The following GRB10 variants were observed in gnomAD, a reference collection of about 807,000 sequenced individuals.
The protein encoded by GRB10 is growth factor receptor-bound protein 10.
Under a neutral mutation model 80.9 loss-of-function variants are expected in GRB10, and 20 were observed. That is an observed-to-expected ratio of 0.25 (90% CI 0.17 to 0.36). The LOEUF (loss-of-function observed/expected upper bound fraction) is 0.36, where lower values mean the gene tolerates loss of function less well. GRB10 is among the 10% of genes least tolerant of loss of function. The pLI, the probability that GRB10 is intolerant of heterozygous loss-of-function variation, is 1.00. For missense variants in GRB10, 548 were observed against 747.7 expected (o/e 0.73, Z 3.12); for synonymous variants, 291 against 291.5 (o/e 1.00, Z 0.02).
intron 4 of GRB10, among the ~76,000 whole-genome samples, chr7:50,706,870 G>T (rs561183093): frequency 5.4e-4 from 82 of 152,298 alleles, no homozygotes; most frequent in African/African-American, 1.9e-3. Context: ...AAGCCAGGCT[G>T]AGCCCTGGGT....
chr7:50,635,559 A>C (rs1390529368), intron 7 of GRB10, among the ~76,000 whole-genome samples: 1 of 104,552 alleles, frequency 9.6e-6, no homozygotes, highest in Non-Finnish European at 2.1e-5. Flanking sequence ...CAAAAAACAA[A>C]ACAAAACAAA....
chr7:50,791,495 C>T (rs1034014071), intron 1 of GRB10, among the ~76,000 whole-genome samples: 10 of 152,206 alleles, frequency 6.6e-5, no homozygotes, highest in African/African-American at 2.4e-4. Flanking sequence ...TTGTCACTTG[C>T]TGACAGTATG....
In GRB10 at chr7:50,710,906, A is replaced by G; in HGVS notation, c.52-6998T>C. 2 of 1,612,818 alleles carry G rather than the reference A, an allele frequency of 1.2e-6. 1 individual carries two copies. Among genetic ancestry groups the G allele is most frequent in the East Asian group, 4.5e-5 (2 of 44,886 alleles). On this transcript the variant is annotated intron_variant, in intron 4 of 18. Transcript: ENST00000401949. Reference sequence around the variant, plus strand: ...ACGGAACAGAGGGCCGGCAGCTTGCATAGGAGGTCTCTCTCTCCCTCTCTC... The same window carrying G: ...ACGGAACAGAGGGCCGGCAGCTTGCGTAGGAGGTCTCTCTCTCCCTCTCTC...
chr7:50,743,102 C>T (rs1376299132), intron 3 of GRB10, among the ~76,000 whole-genome samples: 3 of 152,288 alleles, frequency 2.0e-5, no homozygotes, highest in East Asian at 1.9e-4. Flanking sequence ...CACCAATTTC[C>T]GCTTTTCTTC....
intron 2 of GRB10, among the ~76,000 whole-genome samples, chr7:50,761,170 T>C (rs146071997): frequency 5.7e-4 from 87 of 152,356 alleles, no homozygotes; most frequent in Non-Finnish European, 4.7e-4. Context: ...AGTTAATCAA[T>C]GGCAGAGCGA....
At chr7:50,729,671 C>T (rs1427841561) in intron 4 of GRB10, among the ~76,000 whole-genome samples, 1 of 152,110 alleles carries the variant, frequency 6.6e-6, no homozygotes, top group Non-Finnish European at 1.5e-5. Context: ...TGCTTCAGAC[C>T]TTTTGATTTT....
intron 5 of GRB10, among the ~76,000 whole-genome samples, chr7:50,679,565 T>C (rs2061334087): frequency 6.6e-6 from 1 of 152,188 alleles, no homozygotes; most frequent in South Asian, 2.1e-4. Context: ...ACGTGTCCAT[T>C]ACGATCCCTT....
rs956681857 is a variant in GRB10, at chr7:50,695,989, G to GT, written c.139+7831dup. ...ATACAGTACCGTAACCTGTTTCCCT[G>GT]TTTTTTTCACTCAGTAAATCTGAGC... On this transcript the variant is annotated intron_variant, in intron 5 of 18. Coordinates refer to ENST00000401949, the MANE Select transcript of GRB10 (RefSeq NM_001350814.2). Among the ~76,000 whole-genome samples the GT allele has an allele frequency of 7.9e-5, 12 of 151,832 alleles. No homozygotes were observed. In the East Asian group the frequency reaches 1.7e-3, roughly 22 times the overall value.
rs114521692 is a variant in GRB10, at chr7:50,692,321, T to C, written c.139+11500A>G. On this transcript the variant is annotated intron_variant, in intron 5 of 18. Transcript: ENST00000401949. ...ACACACACACACGCACACATATATATATAATGAATAAAATCTTCAAGATTT... is the reference window on the plus strand; with the variant it reads ...ACACACACACACGCACACATATATACATAATGAATAAAATCTTCAAGATTT... Among the ~76,000 whole-genome samples the C allele has an allele frequency of 8.3e-3, 1,270 of 152,182 alleles. 20 individuals are homozygous for C. The highest frequency in any genetic ancestry group is 0.029 in the African/African-American group (1,203 of 41,496).
intron 5 of GRB10, among the ~76,000 whole-genome samples, chr7:50,689,935 T>G (rs1205199342): frequency 6.6e-6 from 1 of 151,908 alleles, no homozygotes; most frequent in Non-Finnish European, 1.5e-5. Context: ...AAGGAAGCAT[T>G]CTACTTATCT....
chr7:50,691,157 G>A (rs1017094790), intron 5 of GRB10, among the ~76,000 whole-genome samples: 2 of 152,194 alleles, frequency 1.3e-5, no homozygotes, highest in Non-Finnish European at 2.9e-5. Context: ...GTAGGGATTC[G>A]ATCTACTGCT....
At chr7:50,631,888 G>A (rs1008362599) in intron 7 of GRB10, among the ~76,000 whole-genome samples, 31 of 152,294 alleles carry the variant, frequency 2.0e-4, no homozygotes, top group African/African-American at 7.5e-4. Flanking sequence ...AAGTACTGGA[G>A]CCAGGATCTA....
chr7:50,661,138 G>A (rs2153629204), intron 7 of GRB10, among the ~76,000 whole-genome samples: 2 of 152,364 alleles, frequency 1.3e-5, no homozygotes, highest in East Asian at 1.9e-4. Context: ...TTCTCTCCGT[G>A]CAATACATTC....
Position 50,610,962 on chromosome 7 carries a change from G to C in GRB10, c.1194+1779C>G, listed in dbSNP as rs56002503. ...AAGTAATAGAATTCATAGCTTCTTG[G>C]AGTATACTACCACTTTCCTTTTTCA... is the stretch of plus-strand genomic sequence containing the variant. On this transcript the variant is annotated intron_variant, in intron 13 of 18. Coordinates refer to ENST00000401949, the MANE Select transcript of GRB10 (RefSeq NM_001350814.2). 4.5e-3 allele frequency among the ~76,000 whole-genome samples: 680 copies of C among 151,956 alleles called. 4 individuals are homozygous for C. The highest frequency in any genetic ancestry group is 0.014 in the Middle Eastern group (4 of 294).
intron 2 of GRB10, among the ~76,000 whole-genome samples, chr7:50,758,436 C>T (rs960753112): frequency 2.0e-5 from 3 of 152,170 alleles, no homozygotes; most frequent in Non-Finnish European, 4.4e-5. Context: ...AACTTACTTC[C>T]AAAATATCCC....
At chr7:50,749,725 C>T (rs1354063155) in intron 3 of GRB10, among the ~76,000 whole-genome samples, 3 of 152,194 alleles carry the variant, frequency 2.0e-5, no homozygotes, top group African/African-American at 4.8e-5. Context: ...GTCATCAACT[C>T]GTTGGTCTAT....
intron 4 of GRB10, among the ~76,000 whole-genome samples, chr7:50,729,592 T>G (rs1283220743): frequency 6.6e-6 from 1 of 152,094 alleles, no homozygotes; most frequent in Admixed American, 6.5e-5. Flanking sequence ...CCCATCCCAC[T>G]TCCCAGGCAG....
chr7:50,622,258 C>T (rs2051913107), intron 8 of GRB10, among the ~76,000 whole-genome samples: 1 of 152,176 alleles, frequency 6.6e-6, no homozygotes, highest in Admixed American at 6.5e-5. Context: ...TTTTCACATA[C>T]AAAAGGGAGA....
Position 50,592,920 on chromosome 7 carries a change from C to T in GRB10, c.*32G>A, listed in dbSNP as rs1295403003. 3 of 1,613,084 alleles carry T rather than the reference C, an allele frequency of 1.9e-6. No homozygotes were observed. Among genetic ancestry groups the T allele is most frequent in the African/African-American group, 1.3e-5 (1 of 74,898 alleles). On this transcript the variant is annotated 3_prime_UTR_variant, in exon 19 of 19. Coordinates refer to ENST00000401949, the MANE Select transcript of GRB10 (RefSeq NM_001350814.2). ...CGCTTCTTCACTCCAGTGTTCACTT[C>T]CTCCAGTCTTCAGCCGAGAGGACAT...
Sources: allele counts gnomAD v4.1 joint callset (sites outside exome capture counted in the v4.1 genomes callset), GRCh38; gene constraint gnomAD v4.1.1; transcripts MANE v1.5; gene names NCBI Gene and HGNC (gene_info 2026-07-23, HGNC 2026-07-21).